The following KIR2DL4 variants were observed in gnomAD, a reference collection of about 807,000 sequenced individuals.
KIR2DL4 encodes killer cell immunoglobulin like receptor, two Ig domains and long cytoplasmic tail 4.
In KIR2DL4, 41 loss-of-function variants were observed where a neutral mutation model predicts 31.0. That is an observed-to-expected ratio of 1.32 (90% CI 1.03 to 1.72). The LOEUF (loss-of-function observed/expected upper bound fraction) is 1.72, where lower values mean the gene tolerates loss of function less well. KIR2DL4 is among the 40% of genes most tolerant of loss of function. The pLI, the probability that KIR2DL4 is intolerant of heterozygous loss-of-function variation, is 0.00. For missense variants in KIR2DL4, 438 were observed against 353.7 expected, an observed-to-expected ratio of 1.24 and a Z score of -1.91; for synonymous variants, 164 against 133.6, an observed-to-expected ratio of 1.23 and a Z score of -1.57.
intron 3 of KIR2DL4, among the ~76,000 whole-genome samples, chr19:54,805,624 G>A (rs1208213499): frequency 6.7e-6 from 1 of 149,742 alleles, no homozygotes; most frequent in Non-Finnish European, 1.5e-5. Flanking sequence ...GAAGTGGAAG[G>A]GGTCAGTGTG....
chr19:54,812,665 C>A (rs1188012817), intron 5 of KIR2DL4, among the ~76,000 whole-genome samples: 1 of 149,878 alleles, frequency 6.7e-6, no homozygotes, highest in Non-Finnish European at 1.5e-5. Flanking sequence ...GGGGGTCCTG[C>A]GTGTGCAGAG....
rs541099983 is a variant in KIR2DL4, at chr19:54,803,914, T to G, written c.64T>G (p.Trp22Gly). 6.4e-4 allele frequency: 1,036 copies of G among 1,609,838 alleles called. 71 individuals carry two copies. The South Asian group carries it at 0.011, about 17-fold the overall frequency. ...AGGGTTCTTCTTGGACCAGAGTGTG[T>G]GGGCACACGTGGGTGAGTCCTTCCC... is the stretch of plus-strand genomic sequence containing the variant. Residue 22 changes from tryptophan to glycine, a missense_variant, in exon 2 of 8, where the codon TGG becomes GGG. Trp to Gly is a radical substitution (Grantham distance 184, BLOSUM62 -2). Transcript: ENST00000359085.
At chr19:54,811,632 T>A (rs1352719995) in intron 5 of KIR2DL4, among the ~76,000 whole-genome samples, 3 of 151,246 alleles carry the variant, frequency 2.0e-5, no homozygotes, top group African/African-American at 7.3e-5. Context: ...CGTGATCTGT[T>A]CATGGCACAA....
intron 4 of KIR2DL4, among the ~76,000 whole-genome samples, chr19:54,807,516 C>A (rs1345651814): frequency 6.6e-6 from 1 of 151,038 alleles, no homozygotes; most frequent in African/African-American, 2.5e-5. Context: ...GGGCTCACTG[C>A]AACCTCTACC....
chr19:54,813,689 G>T lies in KIR2DL4; in HGVS notation c.811-1G>T, dbSNP rs1316132270. The stretch of plus-strand genomic sequence containing the variant: ...GTTTTGATTGCTTCCGTCTCCTACA[G>T]ATGCTGCTGTAATGAACCAAGAGCC... On this transcript the variant is annotated splice_acceptor_variant, in intron 6 of 7. Transcript: ENST00000359085. LOFTEE classifies it high-confidence loss of function. 9.9e-6 allele frequency: 16 copies of T among 1,611,932 alleles called. No homozygotes were observed. The highest frequency in any genetic ancestry group is 1.3e-5 in the African/African-American group (1 of 74,250).
chr19:54,813,064 G>A lies in KIR2DL4; in HGVS notation c.707-61G>A, dbSNP rs1469524260. ...GTTGCCTGGCAACCAAGAAATGAGA[G>A]ACAATCCACAAAGAGGAACTGCTAT... On this transcript the variant is annotated intron_variant, in intron 5 of 7. Coordinates refer to ENST00000359085, the Ensembl canonical transcript of KIR2DL4. The A allele has an allele frequency of 1.4e-4, 179 of 1,273,890 alleles. 2 individuals are homozygous for A. Among genetic ancestry groups the A allele is most frequent in the Non-Finnish European group, 1.7e-4 (159 of 917,716 alleles). 78.9% of individuals were successfully genotyped at this position (1,273,890 alleles called of 1,614,324 possible).
chr19:54,804,673 C>T, intron 2 of KIR2DL4, 120 bp from the exon 3 acceptor site: 2 of 1,080,698 alleles, frequency 1.9e-6, no homozygotes, highest in East Asian at 4.8e-5. Context: ...TCCTGTAGCC[C>T]CAGGCACCCA....
At chr19:54,805,843 A>C (rs1331510809) in intron 3 of KIR2DL4, 108 bp from the exon 4 acceptor site, 11 of 1,057,654 alleles carry the variant, frequency 1.0e-5, no homozygotes, top group Admixed American at 4.6e-5. Context: ...TGAGAGAGAG[A>C]GAGAGAGCAC....
exon 4 of KIR2DL4, chr19:54,806,100 G>A (rs1601142787): frequency 6.2e-7 from 1 of 1,612,154 alleles, no homozygotes; most frequent in South Asian, 1.1e-5. Context: ...GCTCCCTGCA[G>A]TGCCCAGCAT....
At chr19:54,813,111 C>T (rs649117) in intron 5 of KIR2DL4, 533,215 of 1,151,016 alleles carry the variant, frequency 0.46, 151,926 homozygotes, top group East Asian at 0.82. Context: ...TATTGGATTC[C>T]CATCTTCCTC....
chr19:54,812,192 C>T lies in KIR2DL4; in HGVS notation c.707-933C>T, dbSNP rs1288518511. On this transcript the variant is annotated intron_variant, in intron 5 of 7. Transcript: ENST00000359085. ...ACCATCACTCCAGGGAGACAGAACA[C>T]ACAGGGAATACATTACATAGGCAGG... is the stretch of plus-strand genomic sequence containing the variant. Among the ~76,000 whole-genome samples the T allele has an allele frequency of 4.0e-5, 6 of 151,308 alleles. No homozygotes were observed. The East Asian group carries it at 7.8e-4, about 20-fold the overall frequency.
exon 4 of KIR2DL4, chr19:54,805,980 C>G (rs747079301): frequency 3.1e-6 from 5 of 1,609,074 alleles, no homozygotes; most frequent in Non-Finnish European, 4.2e-6. Context: ...GCTTACAGCC[C>G]GGCCGGGCCC....
chr19:54,810,283 TAA>T (rs770230079), intron 5 of KIR2DL4, among the ~76,000 whole-genome samples: 3 of 131,380 alleles, frequency 2.3e-5, no homozygotes, highest in Non-Finnish European at 5.2e-5. Context: ...CACGCCTGGC[TAA>T]TTTTTTTTTG....
chr19:54,814,207 C>A, exon 8 of KIR2DL4: 1 of 1,387,174 alleles, frequency 7.2e-7, no homozygotes, highest in South Asian at 1.2e-5. Flanking sequence ...CCACTGCCTG[C>A]TGCAGAGAAA....
chr19:54,808,832 G>A lies in KIR2DL4; in HGVS notation c.656-1G>A. The A allele has an allele frequency of 6.3e-7, 1 of 1,583,284 alleles. No homozygotes were observed. The highest frequency in any genetic ancestry group is 8.6e-7 in the Non-Finnish European group (1 of 1,156,282). On this transcript the variant is annotated splice_acceptor_variant, in intron 4 of 7. Coordinates refer to ENST00000359085, the Ensembl canonical transcript of KIR2DL4. LOFTEE classifies it high-confidence loss of function. ...CACCTCTCTCCTGTCCCGTGTTCTA[G>A]GAAACCCTTCTAGTAGTTGGCCTTC... is the stretch of plus-strand genomic sequence containing the variant.
At position 54,804,743 on chromosome 19, in the gene KIR2DL4, G is replaced by A. The variant is rs1402259847; in HGVS notation, c.77-50G>A. The A allele has an allele frequency of 3.8e-6, 6 of 1,561,722 alleles. 1 individual carries two copies. The highest frequency in any genetic ancestry group is 3.5e-5 in the South Asian group (3 of 86,472). On this transcript the variant is annotated intron_variant, in intron 2 of 7. Coordinates refer to ENST00000359085, the Ensembl canonical transcript of KIR2DL4. ...AGAATCTTCTGAGCACAGGGAGGGA[G>A]GGGCAGCTCAACATACTCCTCTCTG...
intron 4 of KIR2DL4, 106 bp downstream of exon 4, chr19:54,806,350 G>A (rs2060529146): frequency 7.9e-7 from 1 of 1,258,514 alleles, no homozygotes; most frequent in Non-Finnish European, 1.1e-6. Flanking sequence ...GAGAGAAGAT[G>A]CAGCATGGTG....
exon 8 of KIR2DL4, chr19:54,814,170 T>A (rs1971918286): frequency 1.3e-6 from 2 of 1,574,672 alleles, no homozygotes; most frequent in Non-Finnish European, 1.7e-6. Context: ...CTGGTGCCTG[T>A]CTCTTGCTTA....
intron 5 of KIR2DL4, among the ~76,000 whole-genome samples, chr19:54,812,537 A>G (rs2060924282): frequency 6.6e-6 from 1 of 150,488 alleles, no homozygotes; most frequent in South Asian, 2.1e-4. Context: ...GAGCCTGGGT[A>G]TCTTCTAAAG....
Sources: allele counts gnomAD v4.1 joint callset (sites outside exome capture counted in the v4.1 genomes callset), GRCh38; gene constraint gnomAD v4.1.1; transcripts MANE v1.5; gene names NCBI Gene and HGNC (gene_info 2026-07-23, HGNC 2026-07-21).